Variants in TRPM3 observed in about 807,000 individuals in gnomAD.
TRPM3 encodes the protein transient receptor potential cation channel subfamily M member 3.
Under a neutral mutation model 181.2 loss-of-function variants are expected in TRPM3, and 77 were observed. That is an observed-to-expected ratio of 0.42 (90% CI 0.35 to 0.51). The LOEUF is 0.51. Among genes scored for constraint, TRPM3 ranks in the 20% least tolerant of loss-of-function variants. The probability of loss-of-function intolerance (pLI) is 0.01; values close to 1 mark genes in which losing one functional copy is unlikely to be tolerated. For missense variants in TRPM3, 1,759 were observed against 2,196.7 expected, an observed-to-expected ratio of 0.80 and a Z score of 3.98; for synonymous variants, 745 against 796.4, an observed-to-expected ratio of 0.94 and a Z score of 1.09.
At chr9:70,623,266 T>C (rs2063909101) in intron 14 of TRPM3, among the ~76,000 whole-genome samples, 1 of 150,994 alleles carries the variant, frequency 6.6e-6, no homozygotes. Context: ...CTCGGGAGGC[T>C]GAGGTAGGAG....
chr9:70,689,005 C>A (rs561515770), intron 8 of TRPM3, among the ~76,000 whole-genome samples: 1 of 152,270 alleles, frequency 6.6e-6, no homozygotes, highest in South Asian at 2.1e-4. Flanking sequence ...GTTTAGGAGA[C>A]TGGTTTGAAA....
Position 70,535,895 on chromosome 9 carries a change from G to A in TRPM3, c.*58C>T. The A allele has an allele frequency of 2.0e-6, 3 of 1,527,734 alleles. No homozygotes were observed. The highest frequency in any genetic ancestry group is 2.6e-6 in the Non-Finnish European group (3 of 1,140,796). The allele number at this position is 1,527,734 out of a possible 1,614,324, so 94.6% of individuals were successfully genotyped here. A position where few individuals can be genotyped will look rare whatever the true frequency, so the allele number is the denominator to read the frequency against. On this transcript the variant is annotated 3_prime_UTR_variant, in exon 26 of 26. Coordinates refer to ENST00000677713, the MANE Select transcript of TRPM3 (RefSeq NM_001366145.2). The stretch of plus-strand genomic sequence containing the variant: ...ATTCAAGGAAAGGGGAAAAACTGGA[G>A]TTGGAGAGAATTTTAGGGCTGGATT...
chr9:71,020,920 G>A (rs2097842363), intron 1 of TRPM3, among the ~76,000 whole-genome samples: 1 of 152,068 alleles, frequency 6.6e-6, no homozygotes, highest in South Asian at 2.1e-4. Context: ...CTCAAATAGA[G>A]GTATAAGAAT....
chr9:70,699,295 T>C (rs1330961615), intron 8 of TRPM3, among the ~76,000 whole-genome samples: 1 of 152,142 alleles, frequency 6.6e-6, no homozygotes, highest in Admixed American at 6.5e-5. Context: ...TAAGACGTCA[T>C]GGAGAAGATG....
At chr9:71,307,621 T>C (rs1341266927) in intron 1 of TRPM3, among the ~76,000 whole-genome samples, 1 of 151,582 alleles carries the variant, frequency 6.6e-6, no homozygotes, top group Non-Finnish European at 1.5e-5. Flanking sequence ...ATTAGATTTA[T>C]TCAGTAGCTA....
At chr9:71,372,745 A>G (rs1429381468) in intron 1 of TRPM3, among the ~76,000 whole-genome samples, 4 of 152,270 alleles carry the variant, frequency 2.6e-5, no homozygotes, top group African/African-American at 7.2e-5. Flanking sequence ...AATGGGCTAA[A>G]TACCCCAATT....
chr9:71,081,041 G>A (rs896140139), intron 1 of TRPM3, among the ~76,000 whole-genome samples: 2 of 152,124 alleles, frequency 1.3e-5, no homozygotes, highest in African/African-American at 4.8e-5. Context: ...TGGCTTGTTG[G>A]AGGTAGGACT....
intron 1 of TRPM3, among the ~76,000 whole-genome samples, chr9:70,919,361 C>T (rs1175829822): frequency 6.6e-6 from 1 of 152,194 alleles, no homozygotes; most frequent in African/African-American, 2.4e-5. Flanking sequence ...AGTGACTTTG[C>T]CATTAGGAAT....
intron 1 of TRPM3, among the ~76,000 whole-genome samples, chr9:70,866,325 G>C (rs920214915): frequency 2.0e-5 from 3 of 152,008 alleles, no homozygotes; most frequent in Non-Finnish European, 2.9e-5. Context: ...GAGCATCTGG[G>C]AATTTTAGAG....
intron 3 of TRPM3, among the ~76,000 whole-genome samples, chr9:70,856,281 G>A (rs1026643106): frequency 1.3e-5 from 2 of 152,110 alleles, no homozygotes; most frequent in African/African-American, 4.8e-5. Flanking sequence ...CCTTCCAAAG[G>A]TACTGCCAGT....
intron 8 of TRPM3, among the ~76,000 whole-genome samples, chr9:70,758,266 C>T (rs532563027): frequency 4.0e-4 from 61 of 152,242 alleles, no homozygotes; most frequent in African/African-American, 1.4e-3. Flanking sequence ...AGGAATCCAA[C>T]TTACAAGGGA....
Position 71,105,792 on chromosome 9 carries a change from G to A in TRPM3, c.177+15386C>T, listed in dbSNP as rs145381798. ...GTCAAATCAGTAAAATATGCAGAACGTAGTACGTGTATACACACACACATA... is the reference window on the plus strand; with the variant it reads ...GTCAAATCAGTAAAATATGCAGAACATAGTACGTGTATACACACACACATA... On this transcript the variant is annotated intron_variant, in intron 1 of 25. Transcript: ENST00000677713. Among the ~76,000 whole-genome samples, 48 of 152,242 alleles carry A rather than the reference G, an allele frequency of 3.2e-4. 1 individual carries two copies. The East Asian group carries it at 8.3e-3, about 26-fold the overall frequency.
chr9:70,534,201 A>G lies in TRPM3; in HGVS notation c.*1752T>C, dbSNP rs1391976775. On this transcript the variant is annotated 3_prime_UTR_variant, in exon 26 of 26. Transcript: ENST00000677713. ...GGTTTAAAGTTGCGTGTCTATTCAGATTGTACGTGGTGTAAAAACTTTGTT... is the reference window on the plus strand; with the variant it reads ...GGTTTAAAGTTGCGTGTCTATTCAGGTTGTACGTGGTGTAAAAACTTTGTT... 2.6e-5 allele frequency: 4 copies of G among 152,190 alleles called. No individual in the cohort carries two copies. 9.4% of individuals were successfully genotyped at this position (152,190 alleles called of 1,614,324 possible). A position where few individuals can be genotyped will look rare whatever the true frequency, so the allele number is the denominator to read the frequency against.
intron 6 of TRPM3, chr9:70,824,344 C>T (rs2093410473): frequency 6.6e-6 from 1 of 152,058 alleles, no homozygotes; most frequent in Non-Finnish European, 1.5e-5. Flanking sequence ...ATTAGATTTC[C>T]TAAACATCTG....
chr9:71,208,309 C>T (rs1458496624), intron 1 of TRPM3, among the ~76,000 whole-genome samples: 2 of 152,082 alleles, frequency 1.3e-5, no homozygotes, highest in African/African-American at 2.4e-5. Context: ...GTACAACTTG[C>T]TGCAGTTTTA....
At chr9:70,642,926 G>C (rs1190108151) in intron 9 of TRPM3, among the ~76,000 whole-genome samples, 1 of 152,154 alleles carries the variant, frequency 6.6e-6, no homozygotes, top group African/African-American at 2.4e-5. Flanking sequence ...TGCTGATCTG[G>C]GGCCATGATT....
intron 9 of TRPM3, among the ~76,000 whole-genome samples, chr9:70,663,743 T>C (rs1266115805): frequency 6.6e-6 from 1 of 152,186 alleles, no homozygotes; most frequent in Non-Finnish European, 1.5e-5. Context: ...GGATACACCC[T>C]GGCTTCTTGG....
intron 1 of TRPM3, among the ~76,000 whole-genome samples, chr9:71,131,111 C>T (rs1259157340): frequency 1.3e-5 from 2 of 152,164 alleles, no homozygotes; most frequent in Non-Finnish European, 2.9e-5. Context: ...TTTGATCCTG[C>T]CTCTCTCTCC....
At chr9:70,679,267 T>A (rs1380999362) in intron 9 of TRPM3, among the ~76,000 whole-genome samples, 1 of 152,228 alleles carries the variant, frequency 6.6e-6, no homozygotes, top group Non-Finnish European at 1.5e-5. Flanking sequence ...ATTTTCCAAA[T>A]ACATATGTGT....
Sources: gnomAD v4.1 joint callset for allele counts (sites outside exome capture counted in the v4.1 genomes callset) on GRCh38, gnomAD v4.1.1 for gene constraint, MANE v1.5 for transcripts, NCBI Gene and HGNC (gene_info 2026-07-23, HGNC 2026-07-21) for gene names.